Variants in PTPRJ observed in about 807,000 individuals in gnomAD.
The protein encoded by PTPRJ is receptor-type tyrosine-protein phosphatase eta.
A neutral mutation model predicts 141.3 loss-of-function variants in PTPRJ; 129 were observed. The observed-to-expected ratio is 0.91, with a 90% CI of 0.79 to 1.06. PTPRJ has a LOEUF of 1.06. PTPRJ is among the 50% of genes least tolerant of loss of function. The pLI is 0.00. For missense variants in PTPRJ, 1,601 were observed against 1,679.7 expected (o/e 0.95, Z 0.82); for synonymous variants, 610 against 640.5 (o/e 0.95, Z 0.72).
chr11:48,144,289 C>T (rs1454892652), intron 12 of PTPRJ, among the ~76,000 whole-genome samples: 1 of 152,220 alleles, frequency 6.6e-6, no homozygotes, highest in Non-Finnish European at 1.5e-5. Flanking sequence ...TTGAGGAAGG[C>T]CATGTTGCAT....
chr11:48,116,394 C>T (rs1019337951), intron 3 of PTPRJ, among the ~76,000 whole-genome samples: 4 of 152,170 alleles, frequency 2.6e-5, no homozygotes, highest in African/African-American at 9.7e-5. Context: ...AATATATATG[C>T]ACCCAGCATT....
At chr11:48,091,490 G>A (rs1178591931) in intron 1 of PTPRJ, among the ~76,000 whole-genome samples, 2 of 152,206 alleles carry the variant, frequency 1.3e-5, no homozygotes, top group Non-Finnish European at 2.9e-5. Context: ...GATAGCTCTT[G>A]TTTAGTTAGG....
chr11:48,080,161 G>A (rs1329497717), intron 1 of PTPRJ, among the ~76,000 whole-genome samples: 2 of 152,180 alleles, frequency 1.3e-5, no homozygotes, highest in East Asian at 3.9e-4. Flanking sequence ...TCATTTTGCA[G>A]ATGAGAAACC....
At position 48,037,895 on chromosome 11, in the gene PTPRJ, C is replaced by T. The variant is rs574211129; in HGVS notation, c.96+56887C>T. ...GACCCCATACCTGCCATCTCCTTTT[C>T]ACTTCCTGTTCTTTCTGGCCTCCGT... On this transcript the variant is annotated intron_variant, in intron 1 of 24. Transcript: ENST00000418331. 3.9e-5 allele frequency among the ~76,000 whole-genome samples: 6 copies of T among 152,132 alleles called. No homozygotes were observed. In the East Asian group the frequency reaches 5.8e-4, roughly 15 times the overall value.
intron 1 of PTPRJ, among the ~76,000 whole-genome samples, chr11:47,990,710 G>A (rs1317641125): frequency 6.7e-6 from 1 of 148,332 alleles, no homozygotes; most frequent in Non-Finnish European, 1.5e-5. Flanking sequence ...TTTGGAGACG[G>A]AGTCTCACCC....
chr11:48,164,517 T>A lies in PTPRJ; in HGVS notation c.3855+2T>A. On this transcript the variant is annotated splice_donor_variant, in intron 24 of 24. Coordinates refer to ENST00000418331, the MANE Select transcript of PTPRJ (RefSeq NM_002843.4). LOFTEE classifies it high-confidence loss of function. ...AGGCCTTTAATGGTGCAGACAGAGG[T>A]GAGGCCAAGATCTGTATTTGACATT... 1 of 1,602,770 alleles carries A rather than the reference T, an allele frequency of 6.2e-7. No homozygotes were observed. The highest frequency in any genetic ancestry group is 1.1e-5 in the South Asian group (1 of 90,116).
Position 48,127,815 on chromosome 11 carries a change from A to C in PTPRJ, c.1129A>C (p.Ile377Leu). The C allele has an allele frequency of 6.2e-7, 1 of 1,614,208 alleles. No homozygotes were observed. The highest frequency in any genetic ancestry group is 8.5e-7 in the Non-Finnish European group (1 of 1,180,028). Residue 377 changes from isoleucine to leucine, a missense_variant, in exon 7 of 25, where the codon ATC (isoleucine) becomes CTC (leucine). Physicochemically the swap from Ile to Leu is conservative, Grantham distance 5. Transcript: ENST00000418331. ...IQVFDVTAVNISATSLTLIWK... is the reference protein window; with the variant it reads ...IQVFDVTAVNLSATSLTLIWK... Reference sequence around the variant, plus strand: ...GGTTTTTGACGTCACCGCTGTGAACATCAGTGCCACAAGCCTGACCCTGAT... The same window carrying C: ...GGTTTTTGACGTCACCGCTGTGAACCTCAGTGCCACAAGCCTGACCCTGAT...
chr11:48,087,011 A>C (rs936265714), intron 1 of PTPRJ, among the ~76,000 whole-genome samples: 15 of 152,220 alleles, frequency 9.9e-5, no homozygotes, highest in Admixed American at 3.3e-4. Context: ...AGTAATAATA[A>C]TAATAATAAC....
At chr11:48,146,077 G>A (rs1244076841) in intron 14 of PTPRJ, among the ~76,000 whole-genome samples, 2 of 152,164 alleles carry the variant, frequency 1.3e-5, no homozygotes, top group Admixed American at 6.5e-5. Context: ...CTGGCCTCAA[G>A]CCTCCTTCCA....
chr11:48,083,003 A>G (rs10742828), intron 1 of PTPRJ, among the ~76,000 whole-genome samples: 95,158 of 151,990 alleles, frequency 0.63, 33,190 homozygotes, highest in East Asian at 0.84. Flanking sequence ...GCCCTAAGTG[A>G]GATGACCTCT....
chr11:48,096,308 G>A (rs550981412), intron 1 of PTPRJ, among the ~76,000 whole-genome samples: 1 of 152,270 alleles, frequency 6.6e-6, no homozygotes, highest in South Asian at 2.1e-4. Context: ...CCTGACCTTG[G>A]TATGAAAACC....
intron 1 of PTPRJ, among the ~76,000 whole-genome samples, chr11:48,097,094 C>T (rs1162056940): frequency 3.3e-5 from 5 of 152,144 alleles, no homozygotes; most frequent in Admixed American, 3.3e-4. Flanking sequence ...CATGGGGTAT[C>T]GAGTCTCAGG....
At chr11:48,058,593 C>T (rs892393433) in intron 1 of PTPRJ, among the ~76,000 whole-genome samples, 17 of 152,098 alleles carry the variant, frequency 1.1e-4, no homozygotes, top group Non-Finnish European at 2.1e-4. Flanking sequence ...TCAAAGCAAA[C>T]CCAGAACCTT....
rs1431378942 is a variant in PTPRJ, at chr11:48,155,867, A to G, written c.3296A>G (p.Tyr1099Cys). 1.2e-6 allele frequency: 2 copies of G among 1,602,076 alleles called. No individual in the cohort carries two copies. The highest frequency in any genetic ancestry group is 2.2e-5 in the East Asian group (1 of 44,838). ...ACGGATGACTACATCAATGCCAACT[A>G]CATGCCTGTAAGTTGGGGGACGGTC... The part of the protein sequence containing the change: ...HSTDDYINAN[Y>C]MPGYHSKKDF... Residue 1099 changes from tyrosine to cysteine, a missense_variant, in exon 20 of 25, where the codon TAC becomes TGC. Transcript: ENST00000418331.
chr11:48,159,972 T>G lies in PTPRJ; in HGVS notation c.3481T>G (p.Tyr1161Asp). 1 of 1,613,928 alleles carries G rather than the reference T, an allele frequency of 6.2e-7. No homozygotes were observed. The highest frequency in any genetic ancestry group is 8.5e-7 in the Non-Finnish European group (1 of 1,179,832). Residue 1161 changes from tyrosine to aspartate, a missense_variant, in exon 22 of 25, where the codon TAT becomes GAT. Tyr to Asp is a radical substitution (Grantham distance 160). Coordinates refer to ENST00000418331, the MANE Select transcript of PTPRJ (RefSeq NM_002843.4). ...TTGGCCCTCCAAGCAGGCTCAGGACTATGGAGACATAACTGTGGCAATGAC... is the reference window on the plus strand; with the variant it reads ...TTGGCCCTCCAAGCAGGCTCAGGACGATGGAGACATAACTGTGGCAATGAC... The part of the protein sequence containing the change: ...EYWPSKQAQD[Y>D]GDITVAMTSE...
At chr11:47,990,123 G>A (rs919175775) in intron 1 of PTPRJ, among the ~76,000 whole-genome samples, 1 of 152,126 alleles carries the variant, frequency 6.6e-6, no homozygotes, top group African/African-American at 2.4e-5. Context: ...TCCAGCCTGG[G>A]CGACAGACTG....
chr11:48,066,504 T>C (rs1252956769), intron 1 of PTPRJ, among the ~76,000 whole-genome samples: 1 of 151,880 alleles, frequency 6.6e-6, no homozygotes, highest in African/African-American at 2.4e-5. Context: ...CCACTGTGAC[T>C]GTTTCCTGGG....
At chr11:48,121,679 G>A (rs1029146179) in intron 4 of PTPRJ, among the ~76,000 whole-genome samples, 2 of 152,154 alleles carry the variant, frequency 1.3e-5, no homozygotes, top group African/African-American at 4.8e-5. Context: ...AGGGGAGTGT[G>A]TGTTTCAAAT....
intron 1 of PTPRJ, among the ~76,000 whole-genome samples, chr11:48,006,234 TG>T (rs1434788788): frequency 6.6e-6 from 1 of 152,030 alleles, no homozygotes; most frequent in Admixed American, 6.6e-5. Context: ...ATCTGGAACC[TG>T]GGGCTCTTGT....
Sources: allele counts gnomAD v4.1 joint callset (sites outside exome capture counted in the v4.1 genomes callset), GRCh38; gene constraint gnomAD v4.1.1; transcripts MANE v1.5; gene names NCBI Gene and HGNC (gene_info 2026-07-23, HGNC 2026-07-21).